Variants in PDE7B observed in about 807,000 individuals in gnomAD.
The protein encoded by PDE7B is 3',5'-cyclic-AMP phosphodiesterase 7B.
A neutral mutation model predicts 56.2 loss-of-function variants in PDE7B; 29 were observed. That is an observed-to-expected ratio of 0.52 (90% confidence interval 0.38 to 0.70). The LOEUF is 0.70. Among genes scored for constraint, PDE7B ranks in the 30% least tolerant of loss-of-function variants. The pLI is 0.00. For synonymous variants in PDE7B, 197 were observed against 196.9 expected, an observed-to-expected ratio of 1.00 and a Z score of 0.00; for missense variants, 490 against 565.0, an observed-to-expected ratio of 0.87 and a Z score of 1.35.
At chr6:136,099,203 C>G (rs906049566) in intron 2 of PDE7B, among the ~76,000 whole-genome samples, 18 of 152,094 alleles carry the variant, frequency 1.2e-4, no homozygotes, top group Admixed American at 1.2e-3. Flanking sequence ...GGTTCCAAGT[C>G]TTTGCTATTG....
chr6:136,023,784 A>G (rs747581353), intron 2 of PDE7B, among the ~76,000 whole-genome samples: 2 of 151,870 alleles, frequency 1.3e-5, no homozygotes, highest in Non-Finnish European at 2.9e-5. Flanking sequence ...ATATCAATAT[A>G]GATATAAATA....
intron 1 of PDE7B, among the ~76,000 whole-genome samples, chr6:135,869,897 A>C (rs1223908445): frequency 6.6e-6 from 1 of 152,220 alleles, no homozygotes; most frequent in East Asian, 1.9e-4. Flanking sequence ...AGGTGATGGG[A>C]TGGAAGGAGA....
At chr6:135,908,414 T>C (rs981368042) in intron 1 of PDE7B, among the ~76,000 whole-genome samples, 5 of 152,134 alleles carry the variant, frequency 3.3e-5, no homozygotes, top group Non-Finnish European at 7.4e-5. Context: ...TTTAGGAGTG[T>C]AAATTGGTCC....
intron 4 of PDE7B, 40 bp from the exon 5 acceptor site, chr6:136,149,047 T>G: frequency 2.1e-6 from 3 of 1,409,936 alleles, no homozygotes; most frequent in Non-Finnish European, 3.0e-6. Context: ...GAGTCTCCAG[T>G]GTGATTCATT....
intron 8 of PDE7B, 92 bp downstream of exon 8, chr6:136,155,850 GT>G: frequency 7.6e-7 from 1 of 1,320,242 alleles, no homozygotes; most frequent in Non-Finnish European, 1.1e-6. Context: ...AGAAAGCCTT[GT>G]TTTAGGGTCC....
chr6:135,928,497 A>ATATT (rs1164556219), intron 1 of PDE7B, among the ~76,000 whole-genome samples: 1 of 103,772 alleles, frequency 9.6e-6, no homozygotes, highest in Admixed American at 1.2e-4. Flanking sequence ...TTATATATAT[A>ATATT]TATTTATATA....
intron 2 of PDE7B, among the ~76,000 whole-genome samples, chr6:135,961,520 C>T (rs1288034143): frequency 6.6e-6 from 1 of 151,972 alleles, no homozygotes; most frequent in Non-Finnish European, 1.5e-5. Flanking sequence ...TTTAAGTAAA[C>T]AAATCATCAG....
intron 1 of PDE7B, among the ~76,000 whole-genome samples, chr6:135,940,712 G>A (rs1325703048): frequency 2.0e-5 from 3 of 152,184 alleles, no homozygotes; most frequent in Admixed American, 2.0e-4. Context: ...TCATCTCAAT[G>A]TCAGGTTTCG....
chr6:136,110,796 G>C (rs1777733535), intron 3 of PDE7B, among the ~76,000 whole-genome samples: 2 of 146,254 alleles, frequency 1.4e-5, no homozygotes, highest in African/African-American at 5.1e-5. Flanking sequence ...AACATTTAAA[G>C]AGAAACTCAT....
At chr6:136,001,675 AG>A (rs1436504659) in intron 2 of PDE7B, among the ~76,000 whole-genome samples, 1 of 152,240 alleles carries the variant, frequency 6.6e-6, no homozygotes, top group Non-Finnish European at 1.5e-5. Flanking sequence ...AAATGAACAA[AG>A]CCTCCAAGAA....
At chr6:135,980,627 A>G (rs1365900883) in intron 2 of PDE7B, among the ~76,000 whole-genome samples, 3 of 152,204 alleles carry the variant, frequency 2.0e-5, no homozygotes, top group Admixed American at 6.5e-5. Context: ...GGCGAAGGAC[A>G]TGAACAGACA....
chr6:135,976,764 C>G (rs941173722), intron 2 of PDE7B, among the ~76,000 whole-genome samples: 1 of 152,154 alleles, frequency 6.6e-6, no homozygotes, highest in African/African-American at 2.4e-5. Context: ...GCAGTCTGAT[C>G]TGCAAATAGT....
chr6:135,947,541 T>C lies in PDE7B; in HGVS notation c.82+17T>C. 1 of 1,575,168 alleles carries C rather than the reference T, an allele frequency of 6.3e-7. No individual in the cohort carries two copies. Among genetic ancestry groups the C allele is most frequent in the South Asian group, 1.1e-5 (1 of 90,302 alleles). On this transcript the variant is annotated intron_variant, in intron 2 of 12. Transcript: ENST00000308191. ...GCATGCTGGGTAAGAAGGCTTCTCATTTTAAATATATTAAGCATGTTGATG... is the reference window on the plus strand; with the variant it reads ...GCATGCTGGGTAAGAAGGCTTCTCACTTTAAATATATTAAGCATGTTGATG...
At chr6:135,990,495 C>T (rs187203267) in intron 2 of PDE7B, among the ~76,000 whole-genome samples, 2 of 152,206 alleles carry the variant, frequency 1.3e-5, no homozygotes, top group South Asian at 2.1e-4. Flanking sequence ...TGAGGGTTTT[C>T]GAGGCTCCTT....
chr6:136,181,709 C>T (rs1194668190), intron 11 of PDE7B, among the ~76,000 whole-genome samples: 1 of 151,814 alleles, frequency 6.6e-6, no homozygotes. Flanking sequence ...CAATGTTTTC[C>T]ACTCTGACAG....
At chr6:135,879,793 C>A (rs777006460) in intron 1 of PDE7B, among the ~76,000 whole-genome samples, 1 of 152,054 alleles carries the variant, frequency 6.6e-6, no homozygotes, top group Non-Finnish European at 1.5e-5. Flanking sequence ...GGAAAAGGGT[C>A]CTCAGTGCCC....
At chr6:135,969,630 G>T (rs1057254488) in intron 2 of PDE7B, among the ~76,000 whole-genome samples, 5 of 152,074 alleles carry the variant, frequency 3.3e-5, no homozygotes, top group Non-Finnish European at 7.4e-5. Flanking sequence ...CTCAAGGTGG[G>T]TTAAGGACTT....
chr6:135,871,576 G>C (rs1224792912), intron 1 of PDE7B, among the ~76,000 whole-genome samples: 1 of 152,210 alleles, frequency 6.6e-6, no homozygotes, highest in Non-Finnish European at 1.5e-5. Context: ...GGTAGTCAAT[G>C]ACTGTAGAAA....
At chr6:135,876,201 G>T (rs576496866) in intron 1 of PDE7B, among the ~76,000 whole-genome samples, 1 of 152,278 alleles carries the variant, frequency 6.6e-6, no homozygotes, top group African/African-American at 2.4e-5. Flanking sequence ...GCATTAGCAG[G>T]AAGGCCTCAG....
Sources: gnomAD v4.1 joint callset for allele counts (sites outside exome capture counted in the v4.1 genomes callset) on GRCh38, gnomAD v4.1.1 for gene constraint, MANE v1.5 for transcripts, NCBI Gene and HGNC (gene_info 2026-07-23, HGNC 2026-07-21) for gene names.